The following HS3ST4 variants were observed in gnomAD, a reference collection of about 807,000 sequenced individuals.
The protein encoded by HS3ST4 is heparan sulfate glucosamine 3-O-sulfotransferase 4.
A neutral mutation model predicts 29.2 loss-of-function variants in HS3ST4; 17 were observed. That is an observed-to-expected ratio of 0.58 (90% CI 0.40 to 0.87). HS3ST4 has a LOEUF of 0.87. Ranked by LOEUF, HS3ST4 falls within the 40% of genes least tolerant of loss-of-function variation. The pLI is 0.00. For synonymous variants in HS3ST4, 314 were observed against 285.7 expected (o/e 1.10, Z -1.00); for missense variants, 627 against 634.5 (o/e 0.99, Z 0.13).
At chr16:25,714,316 C>G (rs142329036) in intron 1 of HS3ST4, among the ~76,000 whole-genome samples, 2,194 of 152,336 alleles carry the variant, frequency 0.014, 22 homozygotes, top group Middle Eastern at 0.051. Context: ...CCGGCTGTGT[C>G]TCCTCCCCTT....
intron 1 of HS3ST4, among the ~76,000 whole-genome samples, chr16:25,777,412 A>AGTGTGTGTGTGT (rs56191219): frequency 1.4e-5 from 2 of 147,882 alleles, no homozygotes; most frequent in Non-Finnish European, 3.0e-5. Flanking sequence ...AGCACACCAA[A>AGTGTGTGTGTGT]GTGTGTGTGT....
At chr16:25,934,528 G>C (rs1425511213) in intron 1 of HS3ST4, among the ~76,000 whole-genome samples, 1 of 152,218 alleles carries the variant, frequency 6.6e-6, no homozygotes, top group African/African-American at 2.4e-5. Context: ...GGATACTGGG[G>C]ATGGACAGGC....
chr16:25,944,870 AG>A (rs2141694011), intron 1 of HS3ST4, among the ~76,000 whole-genome samples: 1 of 152,328 alleles, frequency 6.6e-6, no homozygotes, highest in South Asian at 2.1e-4. Context: ...TGTCTTTCTG[AG>A]GGAATCTCCC....
intron 1 of HS3ST4, among the ~76,000 whole-genome samples, chr16:26,111,011 C>G (rs566292704): frequency 6.6e-6 from 1 of 151,784 alleles, no homozygotes; most frequent in African/African-American, 2.4e-5. Context: ...TGTGTGCACG[C>G]GTTTGGGGTA....
chr16:25,888,044 G>T (rs1480355753), intron 1 of HS3ST4, among the ~76,000 whole-genome samples: 7 of 152,114 alleles, frequency 4.6e-5, no homozygotes, highest in African/African-American at 1.4e-4. Context: ...TCAATCATGT[G>T]ACATCTTCCA....
rs1195173642 is a variant in HS3ST4 at position 25,974,747 on chromosome 16, A to T, written c.735-160865A>T. On this transcript the variant is annotated intron_variant, in intron 1 of 1. Transcript: ENST00000331351. ...TTATTTTCTGAATTTTCTATAATGA[A>T]AGTATCATTTTTATAAGAACGCATA... Among the ~76,000 whole-genome samples, 5 of 152,178 alleles carry T rather than the reference A, an allele frequency of 3.3e-5. No individual in the cohort carries two copies. In the East Asian group the frequency reaches 9.6e-4, roughly 29 times the overall value.
At chr16:25,787,447 G>A (rs1454213337) in intron 1 of HS3ST4, among the ~76,000 whole-genome samples, 1 of 152,222 alleles carries the variant, frequency 6.6e-6, no homozygotes, top group East Asian at 1.9e-4. Flanking sequence ...TGGCTTTCTT[G>A]TATACACTCT....
At chr16:26,132,749 A>G (rs1415484877) in intron 1 of HS3ST4, among the ~76,000 whole-genome samples, 2 of 152,226 alleles carry the variant, frequency 1.3e-5, no homozygotes, top group African/African-American at 2.4e-5. Context: ...CTGCTCCTAC[A>G]CTAAAGAAAA....
chr16:25,774,760 A>T (rs77992910), intron 1 of HS3ST4, among the ~76,000 whole-genome samples: 3,463 of 152,326 alleles, frequency 0.023, 141 homozygotes, highest in African/African-American at 0.08. Flanking sequence ...TTCTGCATGC[A>T]GTACCTACAT....
intron 1 of HS3ST4, among the ~76,000 whole-genome samples, chr16:25,758,491 ACTGT>A (rs1966770589): frequency 6.6e-6 from 1 of 152,074 alleles, no homozygotes; most frequent in African/African-American, 2.4e-5. Context: ...TGTGGGTGTA[ACTGT>A]CTGGGGCCTC....
chr16:26,047,639 C>T (rs559239402), intron 1 of HS3ST4, among the ~76,000 whole-genome samples: 2 of 152,290 alleles, frequency 1.3e-5, no homozygotes, highest in Non-Finnish European at 2.9e-5. Context: ...GAATGCAAGC[C>T]GTGATCTCGT....
chr16:25,738,288 C>A (rs1051885004), intron 1 of HS3ST4, among the ~76,000 whole-genome samples: 1 of 152,100 alleles, frequency 6.6e-6, no homozygotes, highest in Non-Finnish European at 1.5e-5. Context: ...CCTAGTAAAC[C>A]ACAGCTAAGC....
At chr16:25,762,804 G>C (rs762723104) in intron 1 of HS3ST4, among the ~76,000 whole-genome samples, 3 of 148,548 alleles carry the variant, frequency 2.0e-5, no homozygotes, top group Non-Finnish European at 3.0e-5. Context: ...TTGAACTCAG[G>C]AGGTTGAGGC....
At chr16:25,855,507 T>C (rs1446940272) in intron 1 of HS3ST4, among the ~76,000 whole-genome samples, 1 of 152,220 alleles carries the variant, frequency 6.6e-6, no homozygotes, top group Non-Finnish European at 1.5e-5. Context: ...CAGAGTTTGC[T>C]ATCTGTTATG....
intron 1 of HS3ST4, among the ~76,000 whole-genome samples, chr16:25,732,432 A>G (rs1488915572): frequency 6.6e-6 from 1 of 152,170 alleles, no homozygotes; most frequent in African/African-American, 2.4e-5. Context: ...TGACCTCTGT[A>G]GCTCTACCAC....
chr16:26,083,664 A>G (rs1898750850), intron 1 of HS3ST4, among the ~76,000 whole-genome samples: 1 of 152,224 alleles, frequency 6.6e-6, no homozygotes, highest in African/African-American at 2.4e-5. Context: ...TAACCCATGG[A>G]CAATGTTTGG....
chr16:25,695,764 T>C (rs566558506), intron 1 of HS3ST4, among the ~76,000 whole-genome samples: 1 of 152,382 alleles, frequency 6.6e-6, no homozygotes, highest in African/African-American at 2.4e-5. Flanking sequence ...TGGGATCTAT[T>C]TGACTGATTA....
intron 1 of HS3ST4, among the ~76,000 whole-genome samples, chr16:26,115,259 A>G (rs1899186629): frequency 1.3e-5 from 2 of 148,288 alleles, no homozygotes; most frequent in African/African-American, 2.6e-5. Context: ...ATATATATAC[A>G]TATATATACA....
In HS3ST4 at chr16:26,053,576, T is replaced by G. The variant is rs372406779; in HGVS notation, c.735-82036T>G. ...TTCAGGAAGTGTGGTTCTGATCATCTGGGGACAAGGAGATCTTGATTTTTG... is the reference window on the plus strand; with the variant it reads ...TTCAGGAAGTGTGGTTCTGATCATCGGGGGACAAGGAGATCTTGATTTTTG... On this transcript the variant is annotated intron_variant, in intron 1 of 1. Coordinates refer to ENST00000331351, the MANE Select transcript of HS3ST4 (RefSeq NM_006040.3). Among the ~76,000 whole-genome samples, 22 of 152,312 alleles carry G rather than the reference T, an allele frequency of 1.4e-4. 1 individual carries two copies. Among genetic ancestry groups the G allele is most frequent in the African/African-American group, 5.3e-4 (22 of 41,578 alleles).
Sources: allele counts gnomAD v4.1 joint callset (sites outside exome capture counted in the v4.1 genomes callset), GRCh38; gene constraint gnomAD v4.1.1; transcripts MANE v1.5; gene names NCBI Gene and HGNC (gene_info 2026-07-23, HGNC 2026-07-21).